ART3: variants seen among roughly 807,000 people sequenced by gnomAD.
The protein encoded by ART3 is ADP-ribosyltransferase 3 (inactive), also known as ecto-ADP-ribosyltransferase 3.
Under a neutral mutation model 48.5 loss-of-function variants are expected in ART3, and 49 were observed. The observed-to-expected ratio is 1.01, with a 90% CI of 0.80 to 1.28. The LOEUF (loss-of-function observed/expected upper bound fraction) is 1.28. Ranked by LOEUF, ART3 falls within the 50% of genes most tolerant of loss-of-function variation. The pLI, the probability that ART3 is intolerant of heterozygous loss-of-function variation, is 0.00. For missense variants in ART3, 438 were observed against 454.3 expected (o/e 0.96, Z 0.33); for synonymous variants, 145 against 157.2 (o/e 0.92, Z 0.58).
intron 1 of ART3, among the ~76,000 whole-genome samples, chr4:76,067,150 C>A (rs761030894): frequency 5.3e-5 from 8 of 152,238 alleles, no homozygotes; most frequent in African/African-American, 9.6e-5. Flanking sequence ...TTAGAAAAAG[C>A]ATTATATTTA....
At chr4:76,091,128 T>G (rs1156792772) in intron 3 of ART3, among the ~76,000 whole-genome samples, 1 of 152,264 alleles carries the variant, frequency 6.6e-6, no homozygotes, top group Non-Finnish European at 1.5e-5. Context: ...TAACACAGTT[T>G]ACTTGTCTAT....
At chr4:76,047,854 G>A (rs544802249) in intron 1 of ART3, among the ~76,000 whole-genome samples, 1 of 152,098 alleles carries the variant, frequency 6.6e-6, no homozygotes, top group Admixed American at 6.5e-5. Flanking sequence ...CGAGGTCAAA[G>A]GTTTGCCCTA....
At chr4:76,105,536 C>T (rs1385789665) in intron 10 of ART3, 1 of 1,288,976 alleles carries the variant, frequency 7.8e-7, no homozygotes, top group Non-Finnish European at 1.0e-6. Flanking sequence ...AAAAATGATA[C>T]AACTGAATGA....
chr4:76,049,778 C>T (rs1308132383), intron 1 of ART3, among the ~76,000 whole-genome samples: 1 of 152,038 alleles, frequency 6.6e-6, no homozygotes, highest in African/African-American at 2.4e-5. Context: ...AAAGTCCCTT[C>T]GTGGTTGCCA....
In ART3 at chr4:76,106,635, C is replaced by G. The variant is rs139281642; in HGVS notation, c.1004-1126C>G. On this transcript the variant is annotated intron_variant, in intron 10 of 11. Coordinates refer to ENST00000355810, the MANE Select transcript of ART3 (RefSeq NM_001130016.3). ...CCAAGTCTGCTTTTAGCTTCCCTAA[C>G]TTAGTGCACCTGAAGAGAAAGGAAT... Among the ~76,000 whole-genome samples, 23 of 152,278 alleles carry G rather than the reference C, an allele frequency of 1.5e-4. No homozygotes were observed. The South Asian group carries it at 2.9e-3, about 19-fold the overall frequency.
chr4:76,051,724 T>A (rs976549836), intron 1 of ART3, among the ~76,000 whole-genome samples: 23 of 152,004 alleles, frequency 1.5e-4, no homozygotes, highest in Non-Finnish European at 2.5e-4. Context: ...GTATTTTTGG[T>A]AGAGTTGGGG....
At chr4:76,106,105 A>G (rs960655554) in intron 10 of ART3, 1 of 985,186 alleles carries the variant, frequency 1.0e-6, no homozygotes, top group African/African-American at 1.7e-5. Context: ...TTGACACTTC[A>G]GAGATGAGAA....
chr4:76,021,758 A>G, intron 1 of ART3: 1 of 693,660 alleles, frequency 1.4e-6, no homozygotes, highest in Middle Eastern at 2.5e-4. Context: ...TAACCTTCCT[A>G]CAGGAGTAGT....
rs776853474 is a variant in ART3, at chr4:76,075,929, G to T, written c.40G>T (p.Ala14Ser). The T allele has an allele frequency of 6.2e-7, 1 of 1,612,614 alleles. No individual in the cohort carries two copies. The change falls in exon 2 of 12, where the codon GCA (alanine) becomes TCA (serine). Residue 14 changes from alanine (A) to serine (S), a missense_variant. Ala to Ser is a moderately conservative substitution (Grantham distance 99, BLOSUM62 1). Coordinates refer to ENST00000355810, the MANE Select transcript of ART3 (RefSeq NM_001130016.3). ...TTTTGAAATAGTCACCATGCTGCTG[G>T]CAACCATGATTCTAGTGGACATTTT... ...GHFEIVTMLL[A>S]TMILVDIFQV...
At chr4:76,071,242 G>T (rs1365097429), upstream of ART3, among the ~76,000 whole-genome samples, 1 of 152,036 alleles carries the variant, frequency 6.6e-6, no homozygotes, top group African/African-American at 2.4e-5. Context: ...GGAATCTGAG[G>T]CAGGAGAATC....
intron 8 of ART3, among the ~76,000 whole-genome samples, chr4:76,101,727 G>A (rs1363845264): frequency 6.6e-6 from 1 of 151,858 alleles, no homozygotes; most frequent in African/African-American, 2.4e-5. Flanking sequence ...ACTCTAGCCT[G>A]GGTGACAGAG....
chr4:76,068,119 T>C (rs1719924369), intron 1 of ART3, among the ~76,000 whole-genome samples: 1 of 152,216 alleles, frequency 6.6e-6, no homozygotes, highest in African/African-American at 2.4e-5. Flanking sequence ...TCAGGGAGTA[T>C]GTAGGCAAGA....
intron 10 of ART3, chr4:76,107,551 A>T (rs1233075249): frequency 2.7e-6 from 1 of 374,420 alleles, no homozygotes; most frequent in African/African-American, 2.1e-5. Flanking sequence ...TTTTATGTAA[A>T]CACATATTGA....
chr4:76,107,919 G>T, intron 11 of ART3, 126 bp downstream of exon 11: 1 of 690,638 alleles, frequency 1.4e-6, no homozygotes, highest in East Asian at 3.0e-5. Flanking sequence ...TAATAACAGA[G>T]TATAATGTCA....
intron 1 of ART3, chr4:76,036,696 T>C (rs1206825238): frequency 6.2e-6 from 1 of 161,632 alleles, no homozygotes; most frequent in Non-Finnish European, 1.4e-5. Flanking sequence ...TATTACTTTA[T>C]TTTATATTTA....
chr4:76,087,254 T>G (rs1012525269), intron 3 of ART3, among the ~76,000 whole-genome samples: 2 of 152,148 alleles, frequency 1.3e-5, no homozygotes, highest in African/African-American at 4.8e-5. Flanking sequence ...CAGACCCGCG[T>G]GGAGAAGTGC....
At chr4:76,107,079 C>T (rs979089440) in intron 10 of ART3, 4 of 152,154 alleles carry the variant, frequency 2.6e-5, no homozygotes, top group Non-Finnish European at 4.4e-5. Flanking sequence ...TAGCTGATTT[C>T]GCCCAACTGC....
rs897498947 is a variant in ART3, at chr4:76,100,715, A to C, written c.878-80A>C. 15 of 1,492,904 alleles carry C rather than the reference A, an allele frequency of 1.0e-5. No individual in the cohort carries two copies. The African/African-American group carries it at 1.6e-4, about 15-fold the overall frequency. 92.5% of individuals were successfully genotyped at this position (1,492,904 alleles called of 1,614,324 possible). A position where few individuals can be genotyped will look rare whatever the true frequency, so the allele number is the denominator to read the frequency against. ...TGGGAATATTTTCATATTTCTTGCAAATAATTTTGCTGTAGCTGTAGTAAC... is the reference window on the plus strand; with the variant it reads ...TGGGAATATTTTCATATTTCTTGCACATAATTTTGCTGTAGCTGTAGTAAC... On this transcript the variant is annotated intron_variant, in intron 6 of 11. Coordinates refer to ENST00000355810, the MANE Select transcript of ART3 (RefSeq NM_001130016.3).
intron 1 of ART3, among the ~76,000 whole-genome samples, chr4:76,059,058 A>G (rs150758718): frequency 5.1e-4 from 77 of 152,352 alleles, no homozygotes; most frequent in Middle Eastern, 3.4e-3. Context: ...TGATTGGCAC[A>G]AGAGTAGATT....
Sources: gnomAD v4.1 joint callset for allele counts (sites outside exome capture counted in the v4.1 genomes callset) on GRCh38, gnomAD v4.1.1 for gene constraint, MANE v1.5 for transcripts, NCBI Gene and HGNC (gene_info 2026-07-23, HGNC 2026-07-21) for gene names.